The following IQSEC3 variants were observed in gnomAD, a reference collection of about 807,000 sequenced individuals.
IQSEC3 encodes the protein IQ motif and SEC7 domain-containing protein 3.
IQSEC3 carries 50 observed loss-of-function variants against 105.4 expected under a neutral mutation model. That is an observed-to-expected ratio of 0.47 (90% CI 0.38 to 0.60). IQSEC3 has a LOEUF of 0.60. Ranked by LOEUF, IQSEC3 falls within the 20% of genes least tolerant of loss-of-function variation. The probability of loss-of-function intolerance (pLI) is 0.00; values close to 1 mark genes in which losing one functional copy is unlikely to be tolerated. For synonymous variants in IQSEC3, 708 were observed against 746.0 expected (o/e 0.95, Z 0.83); for missense variants, 1,415 against 1,630.0 (o/e 0.87, Z 2.27).
At chr12:160,897 C>T (rs529193875) in intron 7 of IQSEC3, among the ~76,000 whole-genome samples, 1 of 152,286 alleles carries the variant, frequency 6.6e-6, no homozygotes, top group Admixed American at 6.5e-5. Flanking sequence ...GTATGCTTTT[C>T]TAAAAGATTC....
At chr12:73,001 G>A (rs1197429889) in intron 1 of IQSEC3, among the ~76,000 whole-genome samples, 6 of 138,600 alleles carry the variant, frequency 4.3e-5, no homozygotes, top group Non-Finnish European at 6.2e-5. Flanking sequence ...AGCTGAGATC[G>A]TGCCACTGTA....
chr12:163,035 C>G (rs1866969354), intron 8 of IQSEC3, among the ~76,000 whole-genome samples: 1 of 152,040 alleles, frequency 6.6e-6, no homozygotes, highest in African/African-American at 2.4e-5. Context: ...AGAAGCATGA[C>G]AGGGATGAGC....
intron 1 of IQSEC3, among the ~76,000 whole-genome samples, chr12:75,716 G>A (rs1301965202): frequency 3.9e-5 from 6 of 152,250 alleles, no homozygotes; most frequent in Non-Finnish European, 8.8e-5. Flanking sequence ...GATAAATACT[G>A]GTTGAATACA....
chr12:156,124 C>T (rs1397622193), intron 5 of IQSEC3, among the ~76,000 whole-genome samples: 2 of 152,120 alleles, frequency 1.3e-5, no homozygotes, highest in Non-Finnish European at 2.9e-5. Flanking sequence ...CAGAGGAAGG[C>T]GCCTGCTTAG....
intron 5 of IQSEC3, among the ~76,000 whole-genome samples, chr12:156,235 G>A (rs1378935642): frequency 6.6e-6 from 1 of 152,162 alleles, no homozygotes; most frequent in Non-Finnish European, 1.5e-5. Context: ...GCATTTCAGA[G>A]GTAGCAAGGC....
At chr12:173,013 C>G (rs1368216252) in intron 13 of IQSEC3, among the ~76,000 whole-genome samples, 2 of 152,140 alleles carry the variant, frequency 1.3e-5, no homozygotes, top group Non-Finnish European at 2.9e-5. Context: ...GAGGCCGCTG[C>G]GAAGTCCAGG....
At chr12:95,002 T>C (rs1333492559) in intron 1 of IQSEC3, among the ~76,000 whole-genome samples, 1 of 152,238 alleles carries the variant, frequency 6.6e-6, no homozygotes, top group African/African-American at 2.4e-5. Flanking sequence ...TAGGTCCACC[T>C]ACCCTGCATT....
chr12:131,663 C>T (rs1176794428), intron 3 of IQSEC3, among the ~76,000 whole-genome samples: 2 of 152,194 alleles, frequency 1.3e-5, no homozygotes, highest in East Asian at 1.9e-4. Context: ...ACAAGAGATG[C>T]AGAGACAGAT....
At chr12:140,200 G>A (rs183323267) in intron 4 of IQSEC3, 2 of 152,336 alleles carry the variant, frequency 1.3e-5, no homozygotes, top group Non-Finnish European at 2.9e-5. Context: ...GCCTCAAGAG[G>A]CTCCTATTCT....
At chr12:90,161 A>C (rs1864037610) in intron 1 of IQSEC3, among the ~76,000 whole-genome samples, 1 of 152,190 alleles carries the variant, frequency 6.6e-6, no homozygotes, top group Non-Finnish European at 1.5e-5. Flanking sequence ...CAATTCCCTA[A>C]TGACTAGTGA....
In IQSEC3 at chr12:171,128, G is replaced by C. The variant is rs781969817; in HGVS notation, c.3081G>C (p.Ala1027=). The change falls in exon 13 of 14, where the codon GCG becomes GCC. Residue 1027 remains alanine (A), a synonymous_variant. Transcript: ENST00000538872. ...CATTCAAAGCCAAAAGGGAAGCCGCGCTCAGGGAGAGGCCGGCGGAGAGCA... is the reference window on the plus strand; with the variant it reads ...CATTCAAAGCCAAAAGGGAAGCCGCCCTCAGGGAGAGGCCGGCGGAGAGCA... The part of the protein sequence containing the change: ...QGSPTAKREA[A]LRERPAESTV... The C allele has an allele frequency of 4.3e-6, 7 of 1,613,948 alleles. No homozygotes were observed. The highest frequency in any genetic ancestry group is 3.3e-5 in the Admixed American group (2 of 59,996).
chr12:163,506 C>A lies in IQSEC3; in HGVS notation c.2596C>A (p.Pro866Thr). Residue 866 changes from proline to threonine, a missense_variant, in exon 9 of 14, where the codon CCC becomes ACC. Coordinates refer to ENST00000538872, the MANE Select transcript of IQSEC3 (RefSeq NM_001170738.2). ...TGCCCGCGTGCAGGTGCTGTCCGTG[C>A]CCCACCGCCGCCTGGTGTGCTGCAG... ...IVGMKTVLSV[P>T]HRRLVCCSRL... The A allele has an allele frequency of 6.2e-7, 1 of 1,608,668 alleles. No homozygotes were observed. Among genetic ancestry groups the A allele is most frequent in the Non-Finnish European group, 8.5e-7 (1 of 1,177,722 alleles).
At chr12:171,337 T>C in intron 13 of IQSEC3, 176 bp downstream of exon 13, 1 of 1,611,180 alleles carries the variant, frequency 6.2e-7, no homozygotes, top group East Asian at 2.2e-5. Flanking sequence ...GTAATGCCAC[T>C]GTTCCAGCGC....
chr12:130,151 G>A (rs1294050470), intron 3 of IQSEC3, among the ~76,000 whole-genome samples: 1 of 152,194 alleles, frequency 6.6e-6, no homozygotes, highest in Non-Finnish European at 1.5e-5. Context: ...CCTGTGCTAG[G>A]CCTGGAGATG....
chr12:99,020 T>C lies in IQSEC3; in HGVS notation c.555-126T>C, dbSNP rs1270427844. The C allele has an allele frequency of 5.0e-6, 4 of 793,330 alleles. No individual in the cohort carries two copies. In the Admixed American group the frequency reaches 1.1e-4, roughly 21 times the overall value. The allele number at this position is 793,330 out of a possible 1,614,324, so 49.1% of individuals were successfully genotyped here. ...GAGCAGTGATTGGCTGCCTGATTTT[T>C]ACACAGGGGCTCAAAAGGGCGGGGG... On this transcript the variant is annotated intron_variant, in intron 1 of 13. Transcript: ENST00000538872.
chr12:73,836 G>A (rs1863420509), intron 1 of IQSEC3, among the ~76,000 whole-genome samples: 1 of 152,262 alleles, frequency 6.6e-6, no homozygotes, highest in African/African-American at 2.4e-5. Context: ...AGCCATTCCA[G>A]ACACAGGAAT....
intron 5 of IQSEC3, among the ~76,000 whole-genome samples, chr12:154,789 G>A (rs142546749): frequency 1.3e-5 from 2 of 151,936 alleles, no homozygotes; most frequent in African/African-American, 2.4e-5. Context: ...TCTGTTTTTT[G>A]CTTGTTCTTT....
intron 2 of IQSEC3, among the ~76,000 whole-genome samples, chr12:101,575 C>T (rs1864423608): frequency 6.6e-6 from 1 of 152,096 alleles, no homozygotes; most frequent in African/African-American, 2.4e-5. Context: ...GGGCCCTCCC[C>T]CTGGCTGGGG....
chr12:165,249 G>A lies in IQSEC3; in HGVS notation c.2710-185G>A. ...AAGTACAGAGGGAATAACCACTGTA[G>A]GGTTTTGTGCAGTGAAGAAGCACAT... On this transcript the variant is annotated intron_variant, in intron 9 of 13. Transcript: ENST00000538872. The A allele has an allele frequency of 6.5e-6, 4 of 613,706 alleles. No homozygotes were observed. The South Asian group carries it at 7.7e-5, about 12-fold the overall frequency. 38.0% of individuals were successfully genotyped at this position (613,706 alleles called of 1,614,324 possible).
Sources: allele counts gnomAD v4.1 joint callset (sites outside exome capture counted in the v4.1 genomes callset), GRCh38; gene constraint gnomAD v4.1.1; transcripts MANE v1.5; gene names NCBI Gene and HGNC (gene_info 2026-07-23, HGNC 2026-07-21).